Variants in PIP5K1B observed in about 807,000 individuals in gnomAD.
PIP5K1B encodes the protein phosphatidylinositol-4-phosphate 5-kinase type 1 beta.
Under a neutral mutation model 67.0 loss-of-function variants are expected in PIP5K1B, and 42 were observed. The ratio of observed to expected loss-of-function variants is 0.63; its 90% CI spans 0.49 to 0.81. PIP5K1B has a LOEUF of 0.81. Among genes scored for constraint, PIP5K1B ranks in the 30% least tolerant of loss-of-function variants. The pLI is 0.00. For missense variants in PIP5K1B, 459 were observed against 646.3 expected (o/e 0.71, Z 3.14); for synonymous variants, 214 against 231.4 (o/e 0.92, Z 0.68).
chr9:68,712,709 GA>G (rs1213470005), intron 1 of PIP5K1B, among the ~76,000 whole-genome samples: 5 of 152,122 alleles, frequency 3.3e-5, no homozygotes, highest in Non-Finnish European at 7.4e-5. Flanking sequence ...AACCCTTTAG[GA>G]TGAGAAAACC....
intron 12 of PIP5K1B, among the ~76,000 whole-genome samples, chr9:68,930,904 A>G (rs139043920): frequency 6.6e-6 from 1 of 152,212 alleles, no homozygotes; most frequent in African/African-American, 2.4e-5. Context: ...AATGAATGGA[A>G]TTTTTATCTA....
chr9:69,004,678 G>A (rs1254652407), intron 15 of PIP5K1B, among the ~76,000 whole-genome samples: 2 of 152,148 alleles, frequency 1.3e-5, no homozygotes, highest in South Asian at 2.1e-4. Context: ...GGACTTCTGC[G>A]TGTACCACAC....
At chr9:68,885,346 G>A (rs904591591) in intron 6 of PIP5K1B, among the ~76,000 whole-genome samples, 2 of 152,320 alleles carry the variant, frequency 1.3e-5, no homozygotes, top group African/African-American at 4.8e-5. Context: ...TTGGCGAATG[G>A]ATATGAAGTC....
intron 1 of PIP5K1B, among the ~76,000 whole-genome samples, chr9:68,738,486 G>A (rs1405158190): frequency 6.6e-6 from 1 of 152,190 alleles, no homozygotes; most frequent in East Asian, 1.9e-4. Context: ...TGTGAGTACT[G>A]TTCCTGTCAC....
chr9:68,878,898 G>T (rs192692060), intron 6 of PIP5K1B, among the ~76,000 whole-genome samples: 76 of 152,290 alleles, frequency 5.0e-4, no homozygotes, highest in Admixed American at 1.9e-3. Flanking sequence ...GGATGCTCAG[G>T]GGGTGAAGGG....
At chr9:68,793,134 AC>A (rs969375145) in intron 2 of PIP5K1B, among the ~76,000 whole-genome samples, 3 of 70,356 alleles carry the variant, frequency 4.3e-5, no homozygotes, top group Non-Finnish European at 6.0e-5. Context: ...AGTGTAAGGA[AC>A]AGGAGCTCAG....
chr9:68,826,024 C>T (rs1356282112), intron 4 of PIP5K1B, among the ~76,000 whole-genome samples: 6 of 152,170 alleles, frequency 3.9e-5, no homozygotes, highest in African/African-American at 1.2e-4. Context: ...TGACCATTTC[C>T]TGAATCCATT....
intron 14 of PIP5K1B, among the ~76,000 whole-genome samples, chr9:68,963,505 A>G (rs376987936): frequency 8.3e-4 from 1 of 1,212 alleles, no homozygotes; most frequent in African/African-American, 8.5e-4. Flanking sequence ...TCTGTCTCAG[A>G]AAAAAAAAAA....
At chr9:68,985,337 C>T (rs1587762105) in intron 14 of PIP5K1B, among the ~76,000 whole-genome samples, 1 of 151,920 alleles carries the variant, frequency 6.6e-6, no homozygotes, top group African/African-American at 2.4e-5. Context: ...CTGCCACCTC[C>T]GTCTTCCGGA....
intron 5 of PIP5K1B, among the ~76,000 whole-genome samples, chr9:68,867,781 G>T (rs1823434583): frequency 1.3e-5 from 2 of 152,160 alleles, no homozygotes; most frequent in Non-Finnish European, 2.9e-5. Context: ...AGGGGTAGGT[G>T]GGCAGGACAG....
At chr9:68,951,567 C>G (rs1005439402) in intron 14 of PIP5K1B, among the ~76,000 whole-genome samples, 3 of 152,176 alleles carry the variant, frequency 2.0e-5, no homozygotes, top group Admixed American at 6.5e-5. Context: ...ACCGGTCGAG[C>G]CTTCGCCTTT....
At chr9:68,941,237 G>A (rs955046096) in intron 14 of PIP5K1B, 2 of 388,166 alleles carry the variant, frequency 5.2e-6, no homozygotes, top group Admixed American at 3.5e-5. Flanking sequence ...CCTGTAACCT[G>A]TGAATATGTT....
intron 4 of PIP5K1B, among the ~76,000 whole-genome samples, chr9:68,860,742 T>G (rs1823023486): frequency 1.3e-5 from 2 of 152,188 alleles, no homozygotes; most frequent in African/African-American, 4.8e-5. Context: ...TGGGAACAGT[T>G]GTTACTATGC....
At chr9:68,962,601 G>A (rs1828811272) in intron 14 of PIP5K1B, among the ~76,000 whole-genome samples, 2 of 152,114 alleles carry the variant, frequency 1.3e-5, no homozygotes, top group South Asian at 2.1e-4. Context: ...TTGATTTTAA[G>A]GGAGTCATTC....
intron 2 of PIP5K1B, among the ~76,000 whole-genome samples, chr9:68,792,458 TTTTG>T (rs1832028106): frequency 8.6e-6 from 1 of 116,084 alleles, no homozygotes; most frequent in African/African-American, 3.2e-5. Context: ...ACATGTGTTT[TTTTG>T]TTGTTGTTTG....
intron 2 of PIP5K1B, among the ~76,000 whole-genome samples, chr9:68,752,021 A>G (rs1353008818): frequency 1.3e-5 from 2 of 152,224 alleles, no homozygotes; most frequent in African/African-American, 2.4e-5. Flanking sequence ...TATATGGAAT[A>G]AATTTTCTTT....
intron 4 of PIP5K1B, among the ~76,000 whole-genome samples, chr9:68,848,506 TC>T (rs1822313525): frequency 6.6e-6 from 1 of 152,246 alleles, no homozygotes; most frequent in African/African-American, 2.4e-5. Context: ...GGGAACACAC[TC>T]CTTATTTGTT....
chr9:68,739,457 C>T (rs1828897170), intron 1 of PIP5K1B, among the ~76,000 whole-genome samples: 1 of 152,184 alleles, frequency 6.6e-6, no homozygotes, highest in African/African-American at 2.4e-5. Context: ...TTTATTTTGA[C>T]TGACAAAGAC....
At chr9:68,812,269 A>G (rs747003359) in intron 2 of PIP5K1B, among the ~76,000 whole-genome samples, 2 of 152,254 alleles carry the variant, frequency 1.3e-5, no homozygotes, top group Non-Finnish European at 2.9e-5. Context: ...ATGTGGCAGC[A>G]TTTCACACAT....
Sources: allele counts gnomAD v4.1 joint callset (sites outside exome capture counted in the v4.1 genomes callset), GRCh38; gene constraint gnomAD v4.1.1; transcripts MANE v1.5; gene names NCBI Gene and HGNC (gene_info 2026-07-23, HGNC 2026-07-21).